The following HDAC5 variants were observed in gnomAD, a reference collection of about 807,000 sequenced individuals.
HDAC5 encodes the protein histone deacetylase 5.
A neutral mutation model predicts 133.3 loss-of-function variants in HDAC5; 25 were observed. The ratio of observed to expected loss-of-function variants is 0.19; its 90% CI spans 0.14 to 0.26. The LOEUF is 0.26. Among genes scored for constraint, HDAC5 ranks in the 10% least tolerant of loss-of-function variants. The probability of loss-of-function intolerance (pLI) is 1.00; values close to 1 mark genes in which losing one functional copy is unlikely to be tolerated. For synonymous variants in HDAC5, 589 were observed against 610.8 expected (o/e 0.96, Z 0.53); for missense variants, 1,041 against 1,460.5 (o/e 0.71, Z 4.68).
At chr17:44,087,063 C>T (rs1483134514) in intron 13 of HDAC5, among the ~76,000 whole-genome samples, 1 of 151,616 alleles carries the variant, frequency 6.6e-6, no homozygotes, top group Admixed American at 6.6e-5. Context: ...GCCAGCTAGG[C>T]GCGAGGCAGA....
chr17:44,082,277 A>G (rs1412263933), intron 20 of HDAC5: 8 of 409,000 alleles, frequency 2.0e-5, no homozygotes, highest in Non-Finnish European at 3.6e-5. Flanking sequence ...ATCGGCTACT[A>G]GCAATGGCGG....
intron 14 of HDAC5, among the ~76,000 whole-genome samples, chr17:44,086,119 T>C (rs1184243603): frequency 1.3e-5 from 2 of 152,160 alleles, no homozygotes; most frequent in Non-Finnish European, 2.9e-5. Context: ...CACCTCCTGC[T>C]TTCCCCCTCC....
At chr17:44,085,512 TTTTG>T (rs1274551581) in intron 14 of HDAC5, among the ~76,000 whole-genome samples, 1 of 151,670 alleles carries the variant, frequency 6.6e-6, no homozygotes, top group Admixed American at 6.6e-5. Context: ...CTAGCTTTTC[TTTTG>T]TTTTTTTTTG....
At chr17:44,116,252 G>C (rs1322216287) in intron 2 of HDAC5, among the ~76,000 whole-genome samples, 2 of 152,200 alleles carry the variant, frequency 1.3e-5, no homozygotes. Context: ...TGCTGGGGTA[G>C]TGTCCAGCCA....
chr17:44,080,061 T>C (rs1194405159), intron 23 of HDAC5, 46 bp downstream of exon 23: 7 of 1,351,240 alleles, frequency 5.2e-6, no homozygotes, highest in South Asian at 1.2e-5. Flanking sequence ...CTGGACTCGA[T>C]ATCCTCACTG....
chr17:44,093,114 G>A lies in HDAC5; in HGVS notation c.619C>T (p.Leu207Phe). 6.2e-7 allele frequency: 1 copy of A among 1,613,064 alleles called. No homozygotes were observed. Among genetic ancestry groups the A allele is most frequent in the Non-Finnish European group, 8.5e-7 (1 of 1,179,398 alleles). Residue 207 changes from leucine to phenylalanine, a missense_variant, in exon 6 of 27, where the codon CTC becomes TTC. Leu to Phe is a conservative substitution (Grantham distance 22). This residue lies in a region of HDAC5 where 109 missense variants were observed against 168.0 expected (regional missense o/e 0.65). Transcript: ENST00000682912. The stretch of plus-strand genomic sequence containing the variant: ...TACCAGCATTTGGGGTGCTGTGGGA[G>A]GGAATGGTTGAGGCCGCCTGGTGTG... ...EPTPGGLNHS[L>F]PQHPKCWGAH...
At position 44,091,790 on chromosome 17, in the gene HDAC5, G is replaced by T. The variant is rs146986132; in HGVS notation, c.1074C>A (p.Pro358=). The T allele has an allele frequency of 3.0e-5, 48 of 1,599,686 alleles. No homozygotes were observed. The Middle Eastern group carries it at 1.3e-3, about 44-fold the overall frequency. The part of the protein sequence containing the change: ...QHRALPLDSS[P]NQFSLYTSPS... ...GAGACGTGTAGAGGCTGAACTGGTT[G>T]GGGGAGCTGTCCAGAGGGAGGGCTC... The change falls in exon 10 of 27, where the codon CCC becomes CCA. Residue 358 remains proline (P), a synonymous_variant. Transcript: ENST00000682912.
chr17:44,111,228 G>A (rs878892134), intron 2 of HDAC5: 3 of 289,740 alleles, frequency 1.0e-5, no homozygotes, highest in African/African-American at 2.2e-5. Flanking sequence ...CCTCCTTCCC[G>A]AATGAGCCGC....
intron 3 of HDAC5, among the ~76,000 whole-genome samples, chr17:44,094,268 G>A (rs1354411502): frequency 6.6e-6 from 1 of 151,668 alleles, no homozygotes; most frequent in East Asian, 1.9e-4. Context: ...AGGTTGCAGT[G>A]AGCCAAGATC....
chr17:44,084,928 G>T, intron 15 of HDAC5, 94 bp downstream of exon 15: 2 of 1,473,346 alleles, frequency 1.4e-6, no homozygotes, highest in Non-Finnish European at 1.8e-6. Context: ...GGGCTGAAGA[G>T]AGGATGAGGA....
chr17:44,110,549 C>A (rs2052269143), intron 3 of HDAC5, among the ~76,000 whole-genome samples, 180 bp downstream of exon 3: 1 of 152,156 alleles, frequency 6.6e-6, no homozygotes, highest in Non-Finnish European at 1.5e-5. Context: ...GCAGCAGGCT[C>A]TGGGCAGGGA....
chr17:44,087,528 C>A lies in HDAC5; in HGVS notation c.1768G>T (p.Asp590Tyr). Residue 590 changes from aspartate (D) to tyrosine (Y), a missense_variant, in exon 13 of 27, where the codon GAC becomes TAC. This residue lies in a region of HDAC5 where 433 missense variants were observed against 531.6 expected (regional missense o/e 0.81). Transcript: ENST00000682912. Reference protein sequence around the residue: ...ESTQEDLEEEDEEDDGEEEED... With the variant: ...ESTQEDLEEEYEEDDGEEEED... Reference sequence around the variant, plus strand: ...TCCTCCTCCCCATCGTCTTCCTCGTCCTCCTCCTCCAGGTCTTCCTGTGTG... The same window carrying A: ...TCCTCCTCCCCATCGTCTTCCTCGTACTCCTCCTCCAGGTCTTCCTGTGTG... The A allele has an allele frequency of 6.2e-7, 1 of 1,612,044 alleles. No individual in the cohort carries two copies. The highest frequency in any genetic ancestry group is 1.1e-5 in the South Asian group (1 of 91,012).
rs974907599 is a variant in HDAC5 at position 44,077,989 on chromosome 17, CA to C, written c.*386del. On this transcript the variant is annotated 3_prime_UTR_variant, in exon 27 of 27. Coordinates refer to ENST00000682912, the MANE Select transcript of HDAC5 (RefSeq NM_005474.5). ...AGAGTGAAATTAAGGCATTTCCCCCCAAATCAGCTGAAACCAAGGCACCGAC... is the reference window on the plus strand; with the variant it reads ...AGAGTGAAATTAAGGCATTTCCCCCCAATCAGCTGAAACCAAGGCACCGAC... 2 of 184,456 alleles carry C rather than the reference CA, an allele frequency of 1.1e-5. No homozygotes were observed. Among genetic ancestry groups the C allele is most frequent in the South Asian group, 1.9e-4 (1 of 5,296 alleles). The allele number at this position is 184,456 out of a possible 1,614,324, so 11.4% of individuals were successfully genotyped here. A position where few individuals can be genotyped will look rare whatever the true frequency, so the allele number is the denominator to read the frequency against.
At chr17:44,091,616 G>T in intron 10 of HDAC5, 84 bp downstream of exon 10, 1 of 1,497,674 alleles carries the variant, frequency 6.7e-7, no homozygotes, top group Non-Finnish European at 8.9e-7. Flanking sequence ...TTAGGGCCTT[G>T]GAAGGGGAAA....
At chr17:44,087,106 C>T (rs1237013791) in intron 13 of HDAC5, among the ~76,000 whole-genome samples, 1 of 151,540 alleles carries the variant, frequency 6.6e-6, no homozygotes, top group East Asian at 2.0e-4. Context: ...TGTGTACACA[C>T]ACGCACAGGC....
intron 6 of HDAC5, 49 bp from the exon 7 acceptor site, chr17:44,092,855 A>G: frequency 1.3e-6 from 1 of 780,976 alleles, no homozygotes; most frequent in Non-Finnish European, 2.0e-6. Flanking sequence ...GTTATCACCC[A>G]GTCTGCTGGA....
chr17:44,106,621 G>C (rs1180408800), intron 3 of HDAC5, among the ~76,000 whole-genome samples: 1 of 148,574 alleles, frequency 6.7e-6, no homozygotes, highest in Non-Finnish European at 1.5e-5. Context: ...GCAAAGTCTT[G>C]CTCTTGTTGC....
chr17:44,094,573 G>A lies in HDAC5; in HGVS notation c.95-739C>T, dbSNP rs1274850718. Among the ~76,000 whole-genome samples, 4 of 152,044 alleles carry A rather than the reference G, an allele frequency of 2.6e-5. No homozygotes were observed. In the East Asian group the frequency reaches 7.7e-4, roughly 29 times the overall value. On this transcript the variant is annotated intron_variant, in intron 3 of 26. Coordinates refer to ENST00000682912, the MANE Select transcript of HDAC5 (RefSeq NM_005474.5). ...AATCGCTTGAACCCTGGAGGTGGAG[G>A]TTGCAGTGAGCCAAGATCGCACCAC... is the stretch of plus-strand genomic sequence containing the variant.
chr17:44,079,639 C>CAAA lies in HDAC5; in HGVS notation c.2945-365_2945-363dup, dbSNP rs773678478. Among the ~76,000 whole-genome samples the CAAA allele has an allele frequency of 3.1e-3, 205 of 65,450 alleles. 1 individual carries two copies. The highest frequency in any genetic ancestry group is 7.8e-3 in the Middle Eastern group (1 of 128). The allele number at this position is 65,450 out of a possible 152,430, so 42.9% of individuals were successfully genotyped here. A position where few individuals can be genotyped will look rare whatever the true frequency, so the allele number is the denominator to read the frequency against. On this transcript the variant is annotated intron_variant, in intron 23 of 26. Transcript: ENST00000682912. ...TGGGTGACAGAGTGAGACTCCACCT[C>CAAA]AAAAAAAAAAAAAAAAAAAAAGAAA...
Sources: allele counts gnomAD v4.1 joint callset (sites outside exome capture counted in the v4.1 genomes callset), GRCh38; gene constraint gnomAD v4.1.1; regional missense constraint gnomAD v4.1.1; transcripts MANE v1.5; gene names NCBI Gene and HGNC (gene_info 2026-07-23, HGNC 2026-07-21).